PDE10A: variants seen among roughly 807,000 people sequenced by gnomAD.
PDE10A encodes the protein cAMP and cAMP-inhibited cGMP 3',5'-cyclic phosphodiesterase 10A.
PDE10A carries 39 observed loss-of-function variants against 97.7 expected under a neutral mutation model. The observed-to-expected ratio is 0.40, with a 90% CI of 0.31 to 0.52. The LOEUF (loss-of-function observed/expected upper bound fraction) is 0.52, where lower values mean the gene tolerates loss of function less well. PDE10A is among the 20% of genes least tolerant of loss of function. The pLI is 0.56. For synonymous variants in PDE10A, 371 were observed against 376.8 expected (o/e 0.98, Z 0.18); for missense variants, 731 against 1,047.8 (o/e 0.70, Z 4.17).
At chr6:165,643,572 A>G (rs1411530716) in intron 1 of PDE10A, among the ~76,000 whole-genome samples, 2 of 152,184 alleles carry the variant, frequency 1.3e-5, no homozygotes, top group Non-Finnish European at 2.9e-5. Flanking sequence ...TCGTGAAAAC[A>G]GATAAGTGAA....
chr6:165,653,332 A>G (rs1268738777), intron 1 of PDE10A, among the ~76,000 whole-genome samples: 5 of 152,220 alleles, frequency 3.3e-5, no homozygotes, highest in African/African-American at 1.2e-4. Flanking sequence ...ACACGAAAGC[A>G]GACAACTGTA....
intron 1 of PDE10A, among the ~76,000 whole-genome samples, chr6:165,958,127 C>T (rs992484559): frequency 1.3e-5 from 2 of 152,134 alleles, no homozygotes; most frequent in African/African-American, 4.8e-5. Context: ...ACATGGGATC[C>T]ACTGGTTTAA....
chr6:165,610,949 A>G (rs1787464328), intron 1 of PDE10A, among the ~76,000 whole-genome samples: 1 of 152,038 alleles, frequency 6.6e-6, no homozygotes, highest in African/African-American at 2.4e-5. Flanking sequence ...AAGGAGCACT[A>G]CTAGTCTACC....
intron 1 of PDE10A, among the ~76,000 whole-genome samples, chr6:165,918,251 A>G (rs959684793): frequency 1.3e-5 from 2 of 152,216 alleles, no homozygotes; most frequent in Admixed American, 6.5e-5. Flanking sequence ...GGAAAGTACA[A>G]TGAATTTTCA....
chr6:165,614,258 C>T (rs1448657417), intron 1 of PDE10A, among the ~76,000 whole-genome samples: 2 of 152,172 alleles, frequency 1.3e-5, no homozygotes, highest in African/African-American at 4.8e-5. Context: ...TGTTATTCCC[C>T]ATACTCATCC....
intron 1 of PDE10A, among the ~76,000 whole-genome samples, chr6:165,945,012 C>T (rs1263316229): frequency 1.3e-5 from 2 of 152,172 alleles, no homozygotes; most frequent in Non-Finnish European, 2.9e-5. Flanking sequence ...CCCTGTGACC[C>T]CCATCTCCTG....
intron 1 of PDE10A, among the ~76,000 whole-genome samples, chr6:165,619,454 G>GTAGTGTAGTGTAGTCTAGTC (rs1787975942): frequency 2.6e-3 from 7 of 2,720 alleles, no homozygotes; most frequent in Non-Finnish European, 3.4e-3. Context: ...ATAGTCTAGT[G>GTAGTGTAGTGTAGTCTAGTC]TAGTGTAGTC....
chr6:165,570,129 A>T (rs1784981589), intron 1 of PDE10A, among the ~76,000 whole-genome samples: 1 of 152,210 alleles, frequency 6.6e-6, no homozygotes, highest in Non-Finnish European at 1.5e-5. Context: ...AATGAGGTCC[A>T]TAGGGTGAGA....
chr6:165,958,510 A>AC (rs1784217612), intron 1 of PDE10A, among the ~76,000 whole-genome samples: 1 of 9,978 alleles, frequency 1.0e-4, no homozygotes, highest in African/African-American at 7.1e-4. Flanking sequence ...AGAAAGAAAG[A>AC]AAGAAAGAAA....
chr6:165,943,187 G>A lies in PDE10A; in HGVS notation c.-615+44342C>T, dbSNP rs868424687. 1.8e-3 allele frequency among the ~76,000 whole-genome samples: 88 copies of A among 48,606 alleles called. 5 individuals are homozygous for A. Among genetic ancestry groups the A allele is most frequent in the African/African-American group, 6.3e-3 (49 of 7,760 alleles). 31.9% of individuals were successfully genotyped at this position (48,606 alleles called of 152,430 possible). ...AAGAAAGAAAGAAAAAAGAAAGAAA[G>A]AAAGAAAGAAAGAAAGAAAGAAAGA... On this transcript the variant is annotated intron_variant, in intron 1 of 19. Transcript: ENST00000366882.
chr6:165,488,131 G>A (rs1188300170), intron 2 of PDE10A, among the ~76,000 whole-genome samples: 1 of 151,666 alleles, frequency 6.6e-6, no homozygotes, highest in Non-Finnish European at 1.5e-5. Context: ...TATTTACTGA[G>A]GAACCACTGT....
chr6:165,830,777 T>C (rs1175419405), intron 1 of PDE10A, among the ~76,000 whole-genome samples: 1 of 151,968 alleles, frequency 6.6e-6, no homozygotes, highest in African/African-American at 2.4e-5. Context: ...AAACTTCAAT[T>C]CTCCCCCATT....
chr6:165,729,058 G>A (rs1368146141), intron 1 of PDE10A, among the ~76,000 whole-genome samples: 3 of 152,062 alleles, frequency 2.0e-5, no homozygotes, highest in South Asian at 4.2e-4. Context: ...AAACATTAGT[G>A]TGGAGTGGTG....
At chr6:165,979,345 C>A (rs1784942669) in intron 1 of PDE10A, among the ~76,000 whole-genome samples, 1 of 152,198 alleles carries the variant, frequency 6.6e-6, no homozygotes, top group African/African-American at 2.4e-5. Flanking sequence ...CTGCTTCTCT[C>A]TCACCCATTC....
At chr6:165,821,729 G>A (rs550114608) in intron 1 of PDE10A, among the ~76,000 whole-genome samples, 17 of 152,210 alleles carry the variant, frequency 1.1e-4, no homozygotes, top group South Asian at 6.2e-4. Flanking sequence ...TTTTAGTAGA[G>A]ACAGGGTTTC....
At chr6:165,491,894 C>A (rs971545846) in intron 2 of PDE10A, among the ~76,000 whole-genome samples, 8 of 150,570 alleles carry the variant, frequency 5.3e-5, no homozygotes, top group African/African-American at 2.0e-4. Flanking sequence ...AACAAAAAAA[C>A]AAATACAAAG....
chr6:165,862,980 C>T (rs1780949510), intron 1 of PDE10A, among the ~76,000 whole-genome samples: 1 of 152,196 alleles, frequency 6.6e-6, no homozygotes, highest in Non-Finnish European at 1.5e-5. Flanking sequence ...ACACCCGGCC[C>T]AGTTGTACAT....
At chr6:165,434,725 G>A (rs558834135) in intron 6 of PDE10A, among the ~76,000 whole-genome samples, 2 of 152,282 alleles carry the variant, frequency 1.3e-5, no homozygotes, top group South Asian at 2.1e-4. Context: ...GAGACACAGG[G>A]AAAGCGATGG....
chr6:165,855,318 G>T (rs956712115), intron 1 of PDE10A, among the ~76,000 whole-genome samples: 2 of 138,586 alleles, frequency 1.4e-5, no homozygotes, highest in Admixed American at 7.3e-5. Flanking sequence ...GGGGGGGGGG[G>T]GACTCAGGGG....
Sources: allele counts gnomAD v4.1 joint callset (sites outside exome capture counted in the v4.1 genomes callset), GRCh38; gene constraint gnomAD v4.1.1; transcripts MANE v1.5; gene names NCBI Gene and HGNC (gene_info 2026-07-23, HGNC 2026-07-21).